Variants in COL13A1 observed in about 807,000 individuals in gnomAD.
COL13A1 encodes the protein collagen alpha-1(XIII) chain.
In COL13A1, 89 loss-of-function variants were observed where a neutral mutation model predicts 130.9. The observed-to-expected ratio is 0.68, with a 90% confidence interval of 0.57 to 0.81. The LOEUF (loss-of-function observed/expected upper bound fraction) is 0.81, where lower values mean the gene tolerates loss of function less well. Ranked by LOEUF, COL13A1 falls within the 30% of genes least tolerant of loss-of-function variation. The pLI is 0.00. For missense variants in COL13A1, 879 were observed against 934.6 expected, an observed-to-expected ratio of 0.94 and a Z score of 0.78; for synonymous variants, 402 against 341.6, an observed-to-expected ratio of 1.18 and a Z score of -1.95.
chr10:69,922,904 C>T (rs571299261), intron 23 of COL13A1, 110 bp downstream of exon 23: 6 of 678,174 alleles, frequency 8.8e-6, no homozygotes, highest in Admixed American at 3.6e-5. Context: ...CTAGCCTTCC[C>T]CTGCTCCAGA....
At chr10:69,851,483 G>C (rs934698768) in intron 2 of COL13A1, among the ~76,000 whole-genome samples, 9 of 152,180 alleles carry the variant, frequency 5.9e-5, no homozygotes, top group Non-Finnish European at 8.8e-5. Context: ...CCAGGGCAGA[G>C]CTGCTTAATA....
chr10:69,918,612 G>A (rs1416142015), intron 19 of COL13A1, among the ~76,000 whole-genome samples: 2 of 152,176 alleles, frequency 1.3e-5, no homozygotes, highest in Non-Finnish European at 2.9e-5. Context: ...TCTGTAATTG[G>A]GCAGCTATAT....
intron 2 of COL13A1, among the ~76,000 whole-genome samples, chr10:69,852,587 T>A (rs7914126): frequency 6.6e-6 from 1 of 151,826 alleles, no homozygotes; most frequent in Non-Finnish European, 1.5e-5. Context: ...CTTGACTGCC[T>A]GTCTGGCTGA....
intron 2 of COL13A1, among the ~76,000 whole-genome samples, chr10:69,838,211 G>C (rs1850608263): frequency 6.6e-6 from 1 of 152,248 alleles, no homozygotes; most frequent in Non-Finnish European, 1.5e-5. Flanking sequence ...AAGCTATACA[G>C]GCCTAGACAG....
chr10:69,804,023 A>G lies in COL13A1; in HGVS notation c.294+1306A>G, dbSNP rs141511667. On this transcript the variant is annotated intron_variant, in intron 1 of 40. Transcript: ENST00000645393. ...GAGAGAGCGGTCACAGGGCAAGCGT[A>G]CTGGTGCTAGTGGTGCACCCATGAC... 4.7e-4 allele frequency among the ~76,000 whole-genome samples: 72 copies of G among 152,252 alleles called. No homozygotes were observed. The Middle Eastern group carries it at 0.01, about 22-fold the overall frequency.
At chr10:69,930,189 A>C (rs1426188987) in intron 29 of COL13A1, 102 bp downstream of exon 29, 2 of 1,154,962 alleles carry the variant, frequency 1.7e-6, no homozygotes, top group Non-Finnish European at 1.2e-6. Context: ...GTGTGAGCCC[A>C]GTGGGCAAGG....
intron 5 of COL13A1, among the ~76,000 whole-genome samples, chr10:69,875,515 G>A (rs1017860954): frequency 2.0e-5 from 3 of 152,212 alleles, no homozygotes; most frequent in African/African-American, 7.2e-5. Flanking sequence ...CCCAAAGCTG[G>A]CAGCTCACCC....
chr10:69,880,687 TCAGCCCAGCCA>T, intron 7 of COL13A1, 134 bp downstream of exon 7: 1 of 909,792 alleles, frequency 1.1e-6, no homozygotes, highest in Non-Finnish European at 1.7e-6. Flanking sequence ...TGTGATGTGG[TCAGCCCAGCCA>T]GGCCTCGGGT....
intron 7 of COL13A1, among the ~76,000 whole-genome samples, chr10:69,882,675 C>G (rs2060256745): frequency 6.6e-6 from 1 of 152,210 alleles, no homozygotes; most frequent in Non-Finnish European, 1.5e-5. Context: ...GCCTCAATAC[C>G]CTGTTCCATG....
intron 2 of COL13A1, among the ~76,000 whole-genome samples, chr10:69,867,124 C>T (rs753420065): frequency 6.6e-6 from 1 of 152,098 alleles, no homozygotes; most frequent in African/African-American, 2.4e-5. Flanking sequence ...GCTGCTGCTG[C>T]GGCCGTGGGA....
intron 1 of COL13A1, among the ~76,000 whole-genome samples, chr10:69,804,939 G>T (rs1841124831): frequency 6.6e-6 from 1 of 150,728 alleles, no homozygotes; most frequent in South Asian, 2.1e-4. Flanking sequence ...TTAGGGAAAT[G>T]ATTTTCAAAT....
chr10:69,822,023 G>GGGT (rs1240167434), intron 1 of COL13A1, among the ~76,000 whole-genome samples: 13 of 152,170 alleles, frequency 8.5e-5, no homozygotes, highest in Non-Finnish European at 1.9e-4. Flanking sequence ...CCAGTCCAAG[G>GGGT]CAGAAAACAA....
At chr10:69,941,069 C>A (rs771544746) in intron 35 of COL13A1, 46 bp downstream of exon 35, 1 of 1,613,218 alleles carries the variant, frequency 6.2e-7, no homozygotes, top group Non-Finnish European at 8.5e-7. Context: ...CCACTCCACA[C>A]CTGGCCTGTG....
intron 35 of COL13A1, among the ~76,000 whole-genome samples, chr10:69,943,487 G>A (rs1169605669): frequency 1.3e-5 from 2 of 152,326 alleles, no homozygotes; most frequent in East Asian, 3.9e-4. Flanking sequence ...AGCGCCCCCA[G>A]CCCCGGGCTA....
rs375695136 is a variant in COL13A1 at position 69,923,832 on chromosome 10, C to T, written c.1261C>T (p.Pro421Ser). ...GEAGVDGQVG[P>S]PGQPGDKGER... ...AGCAGGTGTCGATGGCCAGGTTGGC[C>T]CCCCAGGGCAGCCAGGAGACAAGGT... The change falls in exon 24 of 41, where the codon CCC (proline) becomes TCC (serine). Residue 421 changes from proline to serine, a missense_variant. Pro to Ser is a moderately conservative substitution (Grantham distance 74). This residue lies in a region of COL13A1 where 715 missense variants were observed against 721.0 expected (regional missense o/e 0.99). Transcript: ENST00000645393. The T allele has an allele frequency of 8.7e-6, 14 of 1,611,888 alleles. No homozygotes were observed. Among genetic ancestry groups the T allele is most frequent in the Non-Finnish European group, 1.2e-5 (14 of 1,179,234 alleles).
intron 14 of COL13A1, among the ~76,000 whole-genome samples, chr10:69,899,036 T>C (rs985376401): frequency 3.7e-4 from 57 of 152,208 alleles, no homozygotes; most frequent in African/African-American, 1.3e-3. Context: ...GGCCTGGTTA[T>C]ATTTCATTCA....
chr10:69,871,274 T>C lies in COL13A1; in HGVS notation c.373-910T>C, dbSNP rs567019768. Among the ~76,000 whole-genome samples the C allele has an allele frequency of 5.8e-4, 89 of 152,242 alleles. 1 individual carries two copies. The highest frequency in any genetic ancestry group is 2.1e-3 in the African/African-American group (87 of 41,544). On this transcript the variant is annotated intron_variant, in intron 3 of 40. Coordinates refer to ENST00000645393, the MANE Select transcript of COL13A1 (RefSeq NM_001368882.1). Reference sequence around the variant, plus strand: ...CAGGAGTGTTGCCAGGTTCCTGGTATCCGCAGGCAGATTCATTCATTCGTA... The same window carrying C: ...CAGGAGTGTTGCCAGGTTCCTGGTACCCGCAGGCAGATTCATTCATTCGTA...
intron 2 of COL13A1, among the ~76,000 whole-genome samples, chr10:69,822,778 G>A (rs1328213926): frequency 6.6e-6 from 1 of 152,246 alleles, no homozygotes; most frequent in Non-Finnish European, 1.5e-5. Context: ...CCCCCAAGGG[G>A]AGGCACCTTG....
At chr10:69,822,481 C>A in intron 2 of COL13A1, 43 bp downstream of exon 2, 1 of 1,468,778 alleles carries the variant, frequency 6.8e-7, no homozygotes, top group East Asian at 2.6e-5. Flanking sequence ...GTTCCTAAGA[C>A]TGAGACCAGA....
Sources: gnomAD v4.1 joint callset for allele counts (sites outside exome capture counted in the v4.1 genomes callset) on GRCh38, gnomAD v4.1.1 for gene constraint, gnomAD v4.1.1 regional missense constraint, MANE v1.5 for transcripts, NCBI Gene and HGNC (gene_info 2026-07-23, HGNC 2026-07-21) for gene names.